The following ADGRG4 variants were observed in gnomAD, a reference collection of about 807,000 sequenced individuals.
The protein encoded by ADGRG4 is G protein-coupled receptor 112.
A neutral mutation model predicts 126.2 loss-of-function variants in ADGRG4; 122 were observed. The observed-to-expected ratio is 0.97, with a 90% CI of 0.83 to 1.12. The LOEUF is 1.12. Among genes scored for constraint, ADGRG4 ranks in the 50% most tolerant of loss-of-function variants. The probability of loss-of-function intolerance (pLI) is 0.00; values close to 1 mark genes in which losing one functional copy is unlikely to be tolerated. For missense variants in ADGRG4, 2,481 were observed against 2,251.8 expected (o/e 1.10, Z -2.06); for synonymous variants, 943 against 838.7 (o/e 1.12, Z -2.15).
At position 136,406,332 on chromosome X, in the gene ADGRG4, C is replaced by T. The variant is rs1044358600; in HGVS notation, c.8935+360C>T. 4.5e-5 allele frequency among the ~76,000 whole-genome samples: 5 copies of T among 112,175 alleles called. No individual in the cohort carries two copies. In the East Asian group the frequency reaches 1.4e-3, roughly 31 times the overall value. The stretch of plus-strand genomic sequence containing the variant: ...AGCAAAAACATTAAAGTTTTGACCC[C>T]ATAGGCTCTATCTGCATCTGATATC... On this transcript the variant is annotated intron_variant, in intron 23 of 25. Transcript: ENST00000394143.
intron 20 of ADGRG4, among the ~76,000 whole-genome samples, chrX:136,398,976 A>G (rs894224066): frequency 4.4e-5 from 5 of 112,716 alleles, no homozygotes; most frequent in Non-Finnish European, 9.4e-5. Flanking sequence ...ATGCAATGCA[A>G]CATAATATTT....
Position 136,345,415 on chromosome X carries a change from G to A in ADGRG4, c.1709G>A (p.Ser570Asn), listed in dbSNP as rs1401035179. 3.3e-6 allele frequency: 4 copies of A among 1,206,860 alleles called. No homozygotes were observed. The highest frequency in any genetic ancestry group is 4.5e-6 in the Non-Finnish European group (4 of 892,615). ...LTSFSFTGTE[S>N]VQTVIDAEAT... ...TCCTTTTCATTTACTGGGACTGAGA[G>A]TGTACAGACAGTTATTGATGCTGAA... Residue 570 changes from serine (S) to asparagine (N), a missense_variant, in exon 6 of 26, where the codon AGT becomes AAT. Ser to Asn is a conservative substitution (Grantham distance 46). Coordinates refer to ENST00000394143, the MANE Select transcript of ADGRG4 (RefSeq NM_153834.4).
At chrX:136,335,294 A>C (rs1471606642) in intron 5 of ADGRG4, among the ~76,000 whole-genome samples, 3 of 109,166 alleles carry the variant, frequency 2.7e-5, no homozygotes, top group South Asian at 3.9e-4. Flanking sequence ...TATATTGTTG[A>C]GGATTTTTGT....
At chrX:136,315,194 C>T (rs143460956) in intron 4 of ADGRG4, among the ~76,000 whole-genome samples, 1,162 of 110,192 alleles carry the variant, frequency 0.011, 5 homozygotes, top group Middle Eastern at 0.019. Flanking sequence ...GATAGTGACT[C>T]TGATTCTCTG....
Position 136,347,574 on chromosome X carries a change from G to T in ADGRG4, c.3868G>T (p.Gly1290Cys). The change falls in exon 6 of 26, where the codon GGT becomes TGT. Residue 1290 changes from glycine to cysteine, a missense_variant. Transcript: ENST00000394143. ...SKNSFISYSR[G>C]TPSLEMTDTG... is the part of the protein sequence containing the mutation. ...GAATTCTTTTATTTCATACTCCCGGGGTACTCCATCTTTGGAAATGACAGA... is the reference window on the plus strand; with the variant it reads ...GAATTCTTTTATTTCATACTCCCGGTGTACTCCATCTTTGGAAATGACAGA... 1.7e-6 allele frequency: 2 copies of T among 1,206,890 alleles called. No homozygotes were observed. Among genetic ancestry groups the T allele is most frequent in the Non-Finnish European group, 2.2e-6 (2 of 891,959 alleles).
intron 23 of ADGRG4, among the ~76,000 whole-genome samples, chrX:136,407,223 A>G (rs1014536359): frequency 4.5e-5 from 5 of 110,325 alleles, no homozygotes; most frequent in African/African-American, 1.7e-4. Context: ...GTACCATGGG[A>G]TGCTCCCACA....
In ADGRG4 at chrX:136,345,259, C is replaced by G; in HGVS notation, c.1553C>G (p.Pro518Arg). The change falls in exon 6 of 26, where the codon CCT (proline) becomes CGT (arginine). Residue 518 changes from proline to arginine, a missense_variant. Coordinates refer to ENST00000394143, the MANE Select transcript of ADGRG4 (RefSeq NM_153834.4). The stretch of plus-strand genomic sequence containing the variant: ...CCAACTAGGCTTATTGAGACCACAC[C>G]TGCCCCAAGGACAGCTGAAACAGAA... ...TLPTRLIETTPAPRTAETELT... is the reference protein window; with the variant it reads ...TLPTRLIETTRAPRTAETELT... The G allele has an allele frequency of 5.0e-6, 6 of 1,211,378 alleles. No homozygotes were observed. The highest frequency in any genetic ancestry group is 6.7e-6 in the Non-Finnish European group (6 of 895,089).
intron 22 of ADGRG4, among the ~76,000 whole-genome samples, chrX:136,405,275 C>T (rs2075398649): frequency 9.2e-6 from 1 of 108,442 alleles, no homozygotes; most frequent in Admixed American, 9.9e-5. Flanking sequence ...TAGAATTAAT[C>T]CTGCAAATAA....
At position 136,350,031 on chromosome X, in the gene ADGRG4, T is replaced by A; in HGVS notation, c.6325T>A (p.Ser2109Thr). The A allele has an allele frequency of 2.5e-6, 3 of 1,210,896 alleles. No homozygotes were observed. Among genetic ancestry groups the A allele is most frequent in the Non-Finnish European group, 3.4e-6 (3 of 894,920 alleles). The stretch of plus-strand genomic sequence containing the variant: ...CATTTCCACACACCCTGAGGCATCC[T>A]CCAGAACCACAATAACTGCCAACCC... Reference protein sequence around the residue: ...VYISTHPEASSRTTITANPRT... With the variant: ...VYISTHPEASTRTTITANPRT... Residue 2109 changes from serine (S) to threonine (T), a missense_variant, in exon 6 of 26, where the codon TCC becomes ACC. Physicochemically the swap from Ser to Thr is moderately conservative, Grantham distance 58. Coordinates refer to ENST00000394143, the MANE Select transcript of ADGRG4 (RefSeq NM_153834.4).
rs5930933 is a variant in ADGRG4 at position 136,349,199 on chromosome X, C to T, written c.5493C>T (p.Pro1831=). ...GGACCCCATCCAGTGCAACTCTACC[C>T]TCTTTGACATCATTTGTTTATTCAC... The part of the protein sequence containing the change: ...PPWTPSSATL[P]SLTSFVYSPH... The change falls in exon 6 of 26, where the codon CCC becomes CCT. Residue 1831 remains proline (P), a synonymous_variant. Coordinates refer to ENST00000394143, the MANE Select transcript of ADGRG4 (RefSeq NM_153834.4). 0.47 allele frequency: 568,240 copies of T among 1,202,788 alleles called. 91,161 individuals are homozygous for T. The highest frequency in any genetic ancestry group is 0.55 in the African/African-American group (30,890 of 56,571).
chrX:136,344,304 A>C (rs899336068), intron 5 of ADGRG4, 88 bp from the exon 6 acceptor site: 1 of 574,892 alleles, frequency 1.7e-6, no homozygotes, highest in African/African-American at 2.3e-5. Flanking sequence ...CTTTCTTACA[A>C]AATGAAAAGA....
chrX:136,377,167 C>CTTTTTTTTTT (rs1184343263), intron 15 of ADGRG4, among the ~76,000 whole-genome samples: 46 of 48,631 alleles, frequency 9.5e-4, no homozygotes, highest in African/African-American at 3.2e-3. Context: ...GTTTTCTTTC[C>CTTTTTTTTTT]TTTTTTTTTT....
chrX:136,412,715 G>C (rs2075452840), intron 24 of ADGRG4, among the ~76,000 whole-genome samples: 1 of 112,376 alleles, frequency 8.9e-6, no homozygotes, highest in Admixed American at 9.4e-5. Context: ...CCAACAGTGG[G>C]TTGAGTGGAT....
chrX:136,371,540 A>G lies in ADGRG4; in HGVS notation c.7609A>G (p.Asn2537Asp), dbSNP rs1277952176. Residue 2537 changes from asparagine (N) to aspartate (D), a missense_variant, in exon 14 of 26, where the codon AAT becomes GAT. Transcript: ENST00000394143. ...CGCCTCTGATCTGCATGAAATAAGC[A>G]ATGAGTAAGTACTAATACTTTGGTG... The part of the protein sequence containing the change: ...NSASDLHEIS[N>D]EILRIIERTG... 8.8e-7 allele frequency: 1 copy of G among 1,135,365 alleles called. No homozygotes were observed. The allele number at this position is 1,135,365 out of a possible 1,213,427, so 93.6% of individuals were successfully genotyped here.
intron 5 of ADGRG4, among the ~76,000 whole-genome samples, chrX:136,325,249 T>C (rs1235164354): frequency 8.9e-6 from 1 of 112,039 alleles, no homozygotes; most frequent in Admixed American, 9.5e-5. Context: ...AAAAGGGCTC[T>C]CTCAGACTAA....
At chrX:136,328,610 A>G (rs7055833) in intron 5 of ADGRG4, among the ~76,000 whole-genome samples, 3,457 of 112,111 alleles carry the variant, frequency 0.031, 128 homozygotes, top group African/African-American at 0.11. Flanking sequence ...CTGCGGGGTC[A>G]TTGATTTGCT....
At chrX:136,382,405 A>C (rs2075268876) in intron 15 of ADGRG4, among the ~76,000 whole-genome samples, 1 of 112,365 alleles carries the variant, frequency 8.9e-6, no homozygotes, top group South Asian at 3.7e-4. Flanking sequence ...GAAGGAGGAA[A>C]TATTCATGAC....
chrX:136,355,839 T>C (rs1028244024), intron 8 of ADGRG4, among the ~76,000 whole-genome samples: 1 of 112,411 alleles, frequency 8.9e-6, no homozygotes, highest in Non-Finnish European at 1.9e-5. Flanking sequence ...TGATGGACAC[T>C]TGAGTAATTT....
intron 4 of ADGRG4, among the ~76,000 whole-genome samples, chrX:136,321,409 CT>C (rs2074838843): frequency 9.0e-6 from 1 of 111,247 alleles, no homozygotes; most frequent in Admixed American, 9.6e-5. Flanking sequence ...GGAGAGAATA[CT>C]ATATGGTCAG....
Sources: gnomAD v4.1 joint callset for allele counts (sites outside exome capture counted in the v4.1 genomes callset) on GRCh38, gnomAD v4.1.1 for gene constraint, MANE v1.5 for transcripts, NCBI Gene and HGNC (gene_info 2026-07-23, HGNC 2026-07-21) for gene names.